RBM19: variants seen among roughly 807,000 people sequenced by gnomAD.
RBM19 encodes the protein probable RNA-binding protein 19.
Under a neutral mutation model 116.8 loss-of-function variants are expected in RBM19, and 94 were observed. The observed-to-expected ratio is 0.80, with a 90% CI of 0.68 to 0.95. RBM19 has a LOEUF of 0.95. RBM19 is among the 40% of genes least tolerant of loss of function. The pLI is 0.00. For synonymous variants in RBM19, 475 were observed against 494.1 expected, an observed-to-expected ratio of 0.96 and a Z score of 0.51; for missense variants, 1,161 against 1,220.7, an observed-to-expected ratio of 0.95 and a Z score of 0.73.
At chr12:113,890,089 G>T (rs1000383357) in intron 21 of RBM19, among the ~76,000 whole-genome samples, 1 of 152,182 alleles carries the variant, frequency 6.6e-6, no homozygotes, top group Non-Finnish European at 1.5e-5. Context: ...AAGCCTAAAT[G>T]GTTGTTTGGA....
chr12:113,829,091 G>A (rs763121264), intron 23 of RBM19, among the ~76,000 whole-genome samples: 4 of 151,908 alleles, frequency 2.6e-5, no homozygotes, highest in East Asian at 3.9e-4. Flanking sequence ...TCTGCTTTCC[G>A]GGTTTGAGTG....
At chr12:113,827,562 T>A (rs1246370712) in intron 23 of RBM19, among the ~76,000 whole-genome samples, 4 of 151,870 alleles carry the variant, frequency 2.6e-5, no homozygotes, top group Non-Finnish European at 4.4e-5. Context: ...AAAGCGCTTC[T>A]TGGGGTTTTG....
rs1870658938 is a variant in RBM19 at position 113,942,415 on chromosome 12, G to A, written c.1646C>T (p.Ala549Val). ...VFDHETKGSV[A>V]VRVALGETQL... ...GGTTTCCCCCAGAGCCACGCGCACG[G>A]CCACGCTGCCCTTGGTCTCCTGTGG... The change falls in exon 14 of 24, where the codon GCC becomes GTC. Residue 549 changes from alanine (A) to valine (V), a missense_variant. Physicochemically the swap from Ala to Val is moderately conservative, Grantham distance 64. Transcript: ENST00000261741. 1.2e-6 allele frequency: 2 copies of A among 1,607,538 alleles called. No homozygotes were observed. The highest frequency in any genetic ancestry group is 1.7e-6 in the Non-Finnish European group (2 of 1,179,690).
rs202088214 is a variant in RBM19 at position 113,849,827 on chromosome 12, TC to T, written c.2665-5040del. ...AGGGCTGATTATTCCTGGTCCCTCC[TC>T]CCCCATCCTCTACGCTTTAGGAGCC... On this transcript the variant is annotated intron_variant, in intron 22 of 23. Transcript: ENST00000261741. 5.7e-3 allele frequency among the ~76,000 whole-genome samples: 862 copies of T among 152,212 alleles called. 21 individuals carry two copies. The highest frequency in any genetic ancestry group is 0.041 in the Admixed American group (629 of 15,288).
chr12:113,863,233 GT>G lies in RBM19; in HGVS notation c.2559-4338del, dbSNP rs1162935715. Among the ~76,000 whole-genome samples, 541 of 151,800 alleles carry G rather than the reference GT, an allele frequency of 3.6e-3. 5 individuals are homozygous for G. Among genetic ancestry groups the G allele is most frequent in the African/African-American group, 0.013 (519 of 41,444 alleles). On this transcript the variant is annotated intron_variant, in intron 21 of 23. Coordinates refer to ENST00000261741, the MANE Select transcript of RBM19 (RefSeq NM_016196.4). ...TGTCTGTGTGTGTGTGTGTGTGTGT[GT>G]GTGGGGCCAGCGTATGGGTGGGTGG...
chr12:113,916,240 C>G lies in RBM19; in HGVS notation c.2442-1155G>C, dbSNP rs141040711. 3.2e-4 allele frequency among the ~76,000 whole-genome samples: 48 copies of G among 152,260 alleles called. 2 individuals are homozygous for G. The East Asian group carries it at 8.7e-3, about 28-fold the overall frequency. Reference sequence around the variant, plus strand: ...TGGCCAACATAGTGAAACCCTGTCTCTACTGAAAATACAAAAATTAGCCAG... The same window carrying G: ...TGGCCAACATAGTGAAACCCTGTCTGTACTGAAAATACAAAAATTAGCCAG... On this transcript the variant is annotated intron_variant, in intron 20 of 23. Coordinates refer to ENST00000261741, the MANE Select transcript of RBM19 (RefSeq NM_016196.4).
At chr12:113,952,237 G>A (rs371945928) in intron 8 of RBM19, among the ~76,000 whole-genome samples, 17 of 152,328 alleles carry the variant, frequency 1.1e-4, no homozygotes, top group Admixed American at 7.8e-4. Context: ...TTGTTTCAGC[G>A]TAATAGGTGA....
intron 21 of RBM19, among the ~76,000 whole-genome samples, chr12:113,911,619 C>T (rs1359109906): frequency 6.6e-6 from 1 of 152,058 alleles, no homozygotes; most frequent in African/African-American, 2.4e-5. Context: ...CTCATTTAAT[C>T]CTTATAGTCC....
intron 18 of RBM19, 65 bp downstream of exon 18, chr12:113,924,632 G>A (rs1868889865): frequency 4.3e-6 from 6 of 1,399,058 alleles, no homozygotes; most frequent in Admixed American, 1.7e-5. Flanking sequence ...TGAAGCTGGA[G>A]CTTCTTTTGG....
At chr12:113,820,663 C>T (rs555230029), downstream of RBM19, among the ~76,000 whole-genome samples, 23 of 152,200 alleles carry the variant, frequency 1.5e-4, no homozygotes, top group African/African-American at 3.1e-4. Context: ...CTGGTGGGCG[C>T]GGCATGAAGG....
intron 22 of RBM19, among the ~76,000 whole-genome samples, chr12:113,853,138 C>T (rs1300096821): frequency 6.6e-6 from 1 of 152,240 alleles, no homozygotes; most frequent in Non-Finnish European, 1.5e-5. Flanking sequence ...CACTGGCATC[C>T]CCCAGGCTGG....
At chr12:113,836,912 C>A (rs187250244) in intron 23 of RBM19, among the ~76,000 whole-genome samples, 1 of 41,336 alleles carries the variant, frequency 2.4e-5, no homozygotes, top group Non-Finnish European at 4.5e-5. Flanking sequence ...ACCCCCCCCC[C>A]CCCCACATAC....
intron 21 of RBM19, among the ~76,000 whole-genome samples, chr12:113,889,458 G>T (rs1880782813): frequency 6.6e-6 from 1 of 152,062 alleles, no homozygotes; most frequent in Non-Finnish European, 1.5e-5. Flanking sequence ...GTCAATCTGG[G>T]GAAATTTTGG....
chr12:113,957,733 A>T, intron 6 of RBM19, 49 bp downstream of exon 6: 1 of 1,522,540 alleles, frequency 6.6e-7, no homozygotes. Flanking sequence ...ACCACGGGCA[A>T]GCAGGAGAGC....
chr12:113,912,785 A>G (rs1476899223), intron 21 of RBM19, among the ~76,000 whole-genome samples: 2 of 151,492 alleles, frequency 1.3e-5, no homozygotes, highest in African/African-American at 2.4e-5. Context: ...AAACCCTGAA[A>G]CCTCCCCCTG....
intron 21 of RBM19, among the ~76,000 whole-genome samples, chr12:113,876,615 A>G (rs529390150): frequency 6.6e-6 from 1 of 151,726 alleles, no homozygotes; most frequent in South Asian, 2.1e-4. Context: ...ACATGGTGAA[A>G]CCCCGTCTGT....
At chr12:113,832,343 C>A (rs933167367) in intron 23 of RBM19, among the ~76,000 whole-genome samples, 1 of 152,122 alleles carries the variant, frequency 6.6e-6, no homozygotes, top group Non-Finnish European at 1.5e-5. Flanking sequence ...GCGCACGCCA[C>A]CACACCTGGC....
In RBM19 at chr12:113,823,058, T is replaced by C. The variant is rs1415542076; in HGVS notation, c.*166A>G. Reference sequence around the variant, plus strand: ...ATGCCTGGGCCGCTGGGCAGTGGCCTGAGGCCTTCCTCATCCCCTGTCTCC... The same window carrying C: ...ATGCCTGGGCCGCTGGGCAGTGGCCCGAGGCCTTCCTCATCCCCTGTCTCC... On this transcript the variant is annotated 3_prime_UTR_variant, in exon 24 of 24. Coordinates refer to ENST00000261741, the MANE Select transcript of RBM19 (RefSeq NM_016196.4). 2 of 636,356 alleles carry C rather than the reference T, an allele frequency of 3.1e-6. No homozygotes were observed. Among genetic ancestry groups the C allele is most frequent in the Non-Finnish European group, 5.4e-6 (2 of 371,642 alleles). The allele number at this position is 636,356 out of a possible 1,614,324, so 39.4% of individuals were successfully genotyped here. A position where few individuals can be genotyped will look rare whatever the true frequency, so the allele number is the denominator to read the frequency against.
At chr12:113,886,229 C>T (rs1449898556) in intron 21 of RBM19, among the ~76,000 whole-genome samples, 2 of 152,086 alleles carry the variant, frequency 1.3e-5, no homozygotes, top group African/African-American at 2.4e-5. Flanking sequence ...GCCTCATAGG[C>T]TCAAGTGATT....
Sources: allele counts gnomAD v4.1 joint callset (sites outside exome capture counted in the v4.1 genomes callset), GRCh38; gene constraint gnomAD v4.1.1; transcripts MANE v1.5; gene names NCBI Gene and HGNC (gene_info 2026-07-23, HGNC 2026-07-21).